Variants in VCPIP1 observed in about 807,000 individuals in gnomAD.
VCPIP1 encodes the protein deubiquitinating protein VCPIP1.
VCPIP1 carries 8 observed loss-of-function variants against 85.0 expected under a neutral mutation model. That is an observed-to-expected ratio of 0.09 (90% CI 0.06 to 0.17). The LOEUF (loss-of-function observed/expected upper bound fraction) is 0.17. Among genes scored for constraint, VCPIP1 ranks in the 10% least tolerant of loss-of-function variants. The pLI, the probability that VCPIP1 is intolerant of heterozygous loss-of-function variation, is 1.00. For synonymous variants in VCPIP1, 543 were observed against 544.5 expected (o/e 1.00, Z 0.04); for missense variants, 1,070 against 1,486.3 (o/e 0.72, Z 4.61).
intron 2 of VCPIP1, among the ~76,000 whole-genome samples, chr8:66,637,740 C>T (rs539314621): frequency 3.2e-4 from 48 of 152,070 alleles, no homozygotes; most frequent in South Asian, 8.3e-4. Flanking sequence ...GAGGCTGAGG[C>T]GGGCGGATCA....
At position 66,632,943 on chromosome 8, in the gene VCPIP1, A is replaced by G. The variant is rs1200316900; in HGVS notation, c.*1558T>C. ...ATGTGATAAAAACTAACCCAAATAT[A>G]TATTTTGCTCAGATACACCTGTAAA... On this transcript the variant is annotated 3_prime_UTR_variant, in exon 3 of 3. Coordinates refer to ENST00000310421, the MANE Select transcript of VCPIP1 (RefSeq NM_025054.5). 1.3e-5 allele frequency: 2 copies of G among 152,112 alleles called. No homozygotes were observed. The highest frequency in any genetic ancestry group is 2.9e-5 in the Non-Finnish European group (2 of 67,942). 9.4% of individuals were successfully genotyped at this position (152,112 alleles called of 1,614,324 possible).
chr8:66,639,429 A>T (rs1586622465), intron 2 of VCPIP1, among the ~76,000 whole-genome samples: 1 of 129,986 alleles, frequency 7.7e-6, no homozygotes, highest in African/African-American at 3.0e-5. Flanking sequence ...ATCTCGGCTC[A>T]CTGCAGCCTC....
Position 66,631,926 on chromosome 8 carries a change from G to A in VCPIP1, c.*2575C>T, listed in dbSNP as rs897410715. 6.6e-6 allele frequency: 1 copy of A among 152,220 alleles called. No individual in the cohort carries two copies. Among genetic ancestry groups the A allele is most frequent in the African/African-American group, 2.4e-5 (1 of 41,310 alleles). 9.4% of individuals were successfully genotyped at this position (152,220 alleles called of 1,614,324 possible). On this transcript the variant is annotated 3_prime_UTR_variant, in exon 3 of 3. Coordinates refer to ENST00000310421, the MANE Select transcript of VCPIP1 (RefSeq NM_025054.5). ...TATCTTCAACACTACCTGGACTTTA[G>A]GTCATCAACTTAAATTTGGTATGAT...
intron 1 of VCPIP1, 21 bp from the exon 2 acceptor site, chr8:66,651,565 T>A (rs747477750): frequency 2.6e-5 from 41 of 1,595,484 alleles, no homozygotes; most frequent in Non-Finnish European, 3.4e-5. Context: ...AAAACAGATA[T>A]AGTATTAGCA....
rs750649268 is a variant in VCPIP1 at position 66,665,861 on chromosome 8, C to T, written c.1098G>A (p.Leu366=). 6.8e-6 allele frequency: 11 copies of T among 1,614,042 alleles called. No individual in the cohort carries two copies. Among genetic ancestry groups the T allele is most frequent in the Admixed American group, 5.0e-5 (3 of 60,000 alleles). ...GAAGCAAATTCATAGGCAGTTTGGGCAAAGCAGCCCCTTTTATGCCTACCA... is the reference window on the plus strand; with the variant it reads ...GAAGCAAATTCATAGGCAGTTTGGGTAAAGCAGCCCCTTTTATGCCTACCA... ...IPLVGIKGAA[L]PKLPMNLLPK... is the part of the protein sequence containing the mutation. The change falls in exon 1 of 3, where the codon TTG becomes TTA. Residue 366 remains leucine, a synonymous_variant. Coordinates refer to ENST00000310421, the MANE Select transcript of VCPIP1 (RefSeq NM_025054.5). The surrounding 1 kb of genome is among the most constrained non-coding windows in gnomAD (Gnocchi z 4.3).
rs893159377 is a variant in VCPIP1 at position 66,632,471 on chromosome 8, A to G, written c.*2030T>C. 2 of 152,150 alleles carry G rather than the reference A, an allele frequency of 1.3e-5. No individual in the cohort carries two copies. The highest frequency in any genetic ancestry group is 2.9e-5 in the Non-Finnish European group (2 of 67,962). 9.4% of individuals were successfully genotyped at this position (152,150 alleles called of 1,614,324 possible). On this transcript the variant is annotated 3_prime_UTR_variant, in exon 3 of 3. Coordinates refer to ENST00000310421, the MANE Select transcript of VCPIP1 (RefSeq NM_025054.5). ...GAAATTAATAAAGTTGTCAGAGATT[A>G]AGTCCATCTTCTAACATTCACATAC...
chr8:66,657,213 T>A (rs535107098), intron 1 of VCPIP1, among the ~76,000 whole-genome samples: 1 of 152,326 alleles, frequency 6.6e-6, no homozygotes, highest in Admixed American at 6.5e-5. Context: ...CCAAAATGTA[T>A]TTTTAAAGCC....
rs1362459958 is a variant in VCPIP1 at position 66,658,733 on chromosome 8, C to T, written c.2710+5516G>A. On this transcript the variant is annotated intron_variant, in intron 1 of 2. Transcript: ENST00000310421. ...CAAACTCCTGACCTCATGATCCACC[C>T]GCCTCAGCCTCCCAAAATGCTGGAT... Among the ~76,000 whole-genome samples the T allele has an allele frequency of 5.3e-5, 8 of 152,126 alleles. No homozygotes were observed. The South Asian group carries it at 1.4e-3, about 28-fold the overall frequency.
intron 2 of VCPIP1, among the ~76,000 whole-genome samples, chr8:66,649,177 G>GTAATAA (rs1392396203): frequency 1.3e-5 from 2 of 151,198 alleles, no homozygotes; most frequent in African/African-American, 4.9e-5. Context: ...CTCAAAACTA[G>GTAATAA]TAATAATAAT....
At chr8:66,656,697 T>C (rs1811103716) in intron 1 of VCPIP1, among the ~76,000 whole-genome samples, 1 of 151,906 alleles carries the variant, frequency 6.6e-6, no homozygotes, top group Admixed American at 6.6e-5. Flanking sequence ...GCAGCCTCTA[T>C]CTTCCAGGTT....
rs914228181 is a variant in VCPIP1 at position 66,629,832 on chromosome 8, A to T, written c.*4669T>A. The T allele has an allele frequency of 6.6e-6, 1 of 152,144 alleles. No individual in the cohort carries two copies. Among genetic ancestry groups the T allele is most frequent in the Non-Finnish European group, 1.5e-5 (1 of 68,040 alleles). 9.4% of individuals were successfully genotyped at this position (152,144 alleles called of 1,614,324 possible). On this transcript the variant is annotated 3_prime_UTR_variant, in exon 3 of 3. Transcript: ENST00000310421. Reference sequence around the variant, plus strand: ...CACGGCAATCCAGCATGGGCAGCAGAGTGAGACCGTTTTGGTTTTTTTTTA... The same window carrying T: ...CACGGCAATCCAGCATGGGCAGCAGTGTGAGACCGTTTTGGTTTTTTTTTA...
In VCPIP1 at chr8:66,651,943, T is replaced by A. The variant is rs556438567; in HGVS notation, c.2711-399A>T. ...GCCTGTAACCCCAGTACTTTGGGGG[T>A]CTGTGGATAGCCTGAGTTCAGGAGT... On this transcript the variant is annotated intron_variant, in intron 1 of 2. Coordinates refer to ENST00000310421, the MANE Select transcript of VCPIP1 (RefSeq NM_025054.5). 3.6e-4 allele frequency among the ~76,000 whole-genome samples: 54 copies of A among 150,182 alleles called. No homozygotes were observed. The East Asian group carries it at 9.8e-3, about 27-fold the overall frequency.
Position 66,628,604 on chromosome 8 carries a change from A to T in VCPIP1, c.*5897T>A, listed in dbSNP as rs919875749. On this transcript the variant is annotated 3_prime_UTR_variant, in exon 3 of 3. Coordinates refer to ENST00000310421, the MANE Select transcript of VCPIP1 (RefSeq NM_025054.5). ...AAAATAAAATCCATAATGAGCTGTT[A>T]TAAGTAGGATGTTTATCTTATTTAC... 1 of 152,270 alleles carries T rather than the reference A, an allele frequency of 6.6e-6. No homozygotes were observed. Among genetic ancestry groups the T allele is most frequent in the African/African-American group, 2.4e-5 (1 of 41,474 alleles). The allele number at this position is 152,270 out of a possible 1,614,324, so 9.4% of individuals were successfully genotyped here. A position where few individuals can be genotyped will look rare whatever the true frequency, so the allele number is the denominator to read the frequency against.
At position 66,630,089 on chromosome 8, in the gene VCPIP1, G is replaced by GT. The variant is rs1373112117; in HGVS notation, c.*4411dup. 11 of 152,220 alleles carry GT rather than the reference G, an allele frequency of 7.2e-5. No individual in the cohort carries two copies. The highest frequency in any genetic ancestry group is 2.6e-4 in the African/African-American group (11 of 41,532). 9.4% of individuals were successfully genotyped at this position (152,220 alleles called of 1,614,324 possible). ...TGTGGAGAATTTCAGGGGAAAATCA[G>GT]TATTAACTTATAGTTTTATTATTGA... On this transcript the variant is annotated 3_prime_UTR_variant, in exon 3 of 3. Transcript: ENST00000310421.
chr8:66,629,260 A>G lies in VCPIP1; in HGVS notation c.*5241T>C, dbSNP rs1316670125. On this transcript the variant is annotated 3_prime_UTR_variant, in exon 3 of 3. Coordinates refer to ENST00000310421, the MANE Select transcript of VCPIP1 (RefSeq NM_025054.5). ...AATGCACAGAGAGGTCACAGAAAGC[A>G]GCGTACCAGGAGTCAGACCTAGGCA... The G allele has an allele frequency of 6.6e-6, 1 of 152,216 alleles. No individual in the cohort carries two copies. The highest frequency in any genetic ancestry group is 1.5e-5 in the Non-Finnish European group (1 of 68,038). The allele number at this position is 152,216 out of a possible 1,614,324, so 9.4% of individuals were successfully genotyped here. A position where few individuals can be genotyped will look rare whatever the true frequency, so the allele number is the denominator to read the frequency against.
intron 2 of VCPIP1, among the ~76,000 whole-genome samples, chr8:66,649,802 A>G: frequency 6.6e-6 from 1 of 152,162 alleles, no homozygotes; most frequent in East Asian, 1.9e-4. Context: ...TGTTTGTCAA[A>G]ATTCATATAC....
chr8:66,633,874 T>C lies in VCPIP1; in HGVS notation c.*627A>G, dbSNP rs1232932209. On this transcript the variant is annotated 3_prime_UTR_variant, in exon 3 of 3. Transcript: ENST00000310421. ...ACACAACTGAATCACATTGACCTCA[T>C]CAATCTAGAAGAAATTTTTCCCCAA... 6.6e-6 allele frequency: 1 copy of C among 152,168 alleles called. No individual in the cohort carries two copies. The highest frequency in any genetic ancestry group is 1.5e-5 in the Non-Finnish European group (1 of 68,032). The allele number at this position is 152,168 out of a possible 1,614,324, so 9.4% of individuals were successfully genotyped here.
intron 1 of VCPIP1, among the ~76,000 whole-genome samples, chr8:66,660,161 A>G (rs1811141761): frequency 6.6e-6 from 1 of 152,214 alleles, no homozygotes. Flanking sequence ...CACTCAACAT[A>G]CATACAAGTT....
intron 2 of VCPIP1, among the ~76,000 whole-genome samples, chr8:66,643,802 T>A: frequency 7.1e-6 from 1 of 141,724 alleles, no homozygotes. Context: ...TCAATGAAAC[T>A]GAAATCAGAA....
Sources: gnomAD v4.1 joint callset for allele counts (sites outside exome capture counted in the v4.1 genomes callset) on GRCh38, gnomAD v4.1.1 for gene constraint, Gnocchi (gnomAD v3.1) non-coding constraint, MANE v1.5 for transcripts, NCBI Gene and HGNC (gene_info 2026-07-23, HGNC 2026-07-21) for gene names.